Variants in CNOT4 observed in about 807,000 individuals in gnomAD.
CNOT4 encodes the protein CCR4-NOT transcription complex subunit 4.
Under a neutral mutation model 73.8 loss-of-function variants are expected in CNOT4, and 8 were observed. The observed-to-expected ratio is 0.11, with a 90% CI of 0.06 to 0.20. CNOT4 has a LOEUF of 0.20. Among genes scored for constraint, CNOT4 ranks in the 10% least tolerant of loss-of-function variants. The pLI is 1.00. For missense variants in CNOT4, 564 were observed against 883.4 expected, an observed-to-expected ratio of 0.64 and a Z score of 4.58; for synonymous variants, 293 against 321.1, an observed-to-expected ratio of 0.91 and a Z score of 0.94.
intron 1 of CNOT4, among the ~76,000 whole-genome samples, chr7:135,482,251 T>C (rs2696887): frequency 0.38 from 57,307 of 151,990 alleles, 11,282 homozygotes; most frequent in East Asian, 0.67. Flanking sequence ...ATTCATAGTT[T>C]AAAAGCTCCC....
intron 10 of CNOT4, among the ~76,000 whole-genome samples, chr7:135,368,842 C>T (rs1442449706): frequency 6.6e-6 from 1 of 152,166 alleles, no homozygotes; most frequent in Non-Finnish European, 1.5e-5. Context: ...AGACCTTTCA[C>T]AGAACACTGC....
intron 2 of CNOT4, among the ~76,000 whole-genome samples, chr7:135,426,602 CAAAA>C (rs35332719): frequency 4.5e-5 from 5 of 111,024 alleles, no homozygotes; most frequent in African/African-American, 1.5e-4. Context: ...GACTCCGTCT[CAAAA>C]AAAAAAAAAA....
At chr7:135,502,994 A>G (rs111295525) in intron 1 of CNOT4, among the ~76,000 whole-genome samples, 13,277 of 151,748 alleles carry the variant, frequency 0.087, 689 homozygotes, top group East Asian at 0.16. Context: ...CTCTACCACA[A>G]ATATAAAAAT....
intron 1 of CNOT4, among the ~76,000 whole-genome samples, chr7:135,462,677 A>C (rs10269360): frequency 0.074 from 11,288 of 152,280 alleles, 500 homozygotes; most frequent in Middle Eastern, 0.13. Flanking sequence ...TCAAATTAGA[A>C]AGCATTAGAA....
chr7:135,414,978 T>C (rs896798569), intron 4 of CNOT4, among the ~76,000 whole-genome samples, 198 bp downstream of exon 4: 2 of 152,028 alleles, frequency 1.3e-5, no homozygotes. Flanking sequence ...TGTTTTACTA[T>C]TTCCCTCTTA....
At chr7:135,472,549 ATATATATAT>A (rs1801700421) in intron 1 of CNOT4, among the ~76,000 whole-genome samples, 1 of 98,772 alleles carries the variant, frequency 1.0e-5, no homozygotes, top group South Asian at 3.6e-4. Context: ...ATATATATAT[ATATATATAT>A]AAAGTGATCC....
chr7:135,493,981 CAA>C (rs1048843972), intron 1 of CNOT4, among the ~76,000 whole-genome samples: 1 of 141,120 alleles, frequency 7.1e-6, no homozygotes, highest in Non-Finnish European at 1.5e-5. Flanking sequence ...AGTATTGTAT[CAA>C]AAAAAAGAGA....
chr7:135,466,911 G>GT (rs1434055624), intron 1 of CNOT4, among the ~76,000 whole-genome samples: 3 of 152,138 alleles, frequency 2.0e-5, no homozygotes, highest in Non-Finnish European at 4.4e-5. Flanking sequence ...CTAGGTTTGT[G>GT]TAAGTACACT....
chr7:135,465,667 G>A (rs575624938), intron 1 of CNOT4, among the ~76,000 whole-genome samples: 2 of 152,106 alleles, frequency 1.3e-5, no homozygotes, highest in South Asian at 4.2e-4. Flanking sequence ...GGAGGTGGAA[G>A]ACAATGGTGA....
chr7:135,405,653 A>G (rs542564600), intron 7 of CNOT4, among the ~76,000 whole-genome samples: 1 of 152,348 alleles, frequency 6.6e-6, no homozygotes, highest in East Asian at 1.9e-4. Flanking sequence ...ATTCATAATA[A>G]TGAAGGGGAG....
At chr7:135,482,514 T>C (rs529633506) in intron 1 of CNOT4, among the ~76,000 whole-genome samples, 4 of 151,772 alleles carry the variant, frequency 2.6e-5, no homozygotes, top group Non-Finnish European at 5.9e-5. Context: ...ATCATACCAC[T>C]GCACTCTAAC....
rs1796558680 is a variant in CNOT4, at chr7:135,394,231, G to C, written c.1314C>G (p.Asn438Lys). The change falls in exon 10 of 12, where the codon AAC (asparagine) becomes AAG (lysine). Residue 438 changes from asparagine (N) to lysine (K), a missense_variant. Asn to Lys is a moderately conservative substitution (Grantham distance 94). This residue lies in a region of CNOT4 where 153 missense variants were observed against 158.7 expected (regional missense o/e 0.96). Coordinates refer to ENST00000541284, the MANE Select transcript of CNOT4 (RefSeq NM_001190850.2). ...TGGCGGTTGTAGTGTGTGAAGAGGA[G>C]TTCTGAAGAGATGTGGGCGAAAGGG... Reference protein sequence around the residue: ...QPSLSPTSLQNSSSHTTTAKG... With the variant: ...QPSLSPTSLQKSSSHTTTAKG... The C allele has an allele frequency of 2.5e-6, 4 of 1,614,208 alleles. No homozygotes were observed. The highest frequency in any genetic ancestry group is 2.7e-5 in the African/African-American group (2 of 75,058).
chr7:135,405,751 A>G (rs1797244579), intron 7 of CNOT4, among the ~76,000 whole-genome samples: 1 of 152,168 alleles, frequency 6.6e-6, no homozygotes, highest in Non-Finnish European at 1.5e-5. Flanking sequence ...TTACTAACAT[A>G]TATGTGCATC....
At position 135,477,343 on chromosome 7, in the gene CNOT4, C is replaced by CAA. The variant is rs397780678; in HGVS notation, c.-93+32544_-93+32545dup. Among the ~76,000 whole-genome samples the CAA allele has an allele frequency of 4.9e-3, 678 of 137,696 alleles. 7 individuals carry two copies. Among genetic ancestry groups the CAA allele is most frequent in the African/African-American group, 0.017 (626 of 36,670 alleles). 90.3% of individuals were successfully genotyped at this position (137,696 alleles called of 152,430 possible). Reference sequence around the variant, plus strand: ...GGGTGACCGAGTGAGACTCTTGTCTCAAAAAAAAAAAAAATTAATTTTACT... The same window carrying CAA: ...GGGTGACCGAGTGAGACTCTTGTCTCAAAAAAAAAAAAAAAATTAATTTTACT... On this transcript the variant is annotated intron_variant, in intron 1 of 11. Transcript: ENST00000541284.
chr7:135,421,920 T>C lies in CNOT4; in HGVS notation c.372+236A>G, dbSNP rs529984884. On this transcript the variant is annotated intron_variant, in intron 3 of 11. Coordinates refer to ENST00000541284, the MANE Select transcript of CNOT4 (RefSeq NM_001190850.2). ...ATTGTCAGCACGTTAGAAATCTAGTTCAACTCCTTAGTTTTAGAACTGAAG... is the reference window on the plus strand; with the variant it reads ...ATTGTCAGCACGTTAGAAATCTAGTCCAACTCCTTAGTTTTAGAACTGAAG... Among the ~76,000 whole-genome samples the C allele has an allele frequency of 4.3e-4, 65 of 152,358 alleles. 1 individual carries two copies. The South Asian group carries it at 0.013, about 31-fold the overall frequency.
At chr7:135,460,248 C>G (rs1379381703) in intron 1 of CNOT4, among the ~76,000 whole-genome samples, 3 of 152,234 alleles carry the variant, frequency 2.0e-5, no homozygotes, top group Admixed American at 2.0e-4. Context: ...GTAGCACTTT[C>G]AATTTCCCTC....
At chr7:135,493,981 CA>C (rs1048843972) in intron 1 of CNOT4, among the ~76,000 whole-genome samples, 36 of 141,228 alleles carry the variant, frequency 2.5e-4, no homozygotes, top group African/African-American at 7.9e-4. Flanking sequence ...AGTATTGTAT[CA>C]AAAAAAAGAG....
chr7:135,431,334 A>C (rs142778994), intron 2 of CNOT4, among the ~76,000 whole-genome samples: 34 of 152,354 alleles, frequency 2.2e-4, no homozygotes, highest in Non-Finnish European at 4.9e-4. Flanking sequence ...TAGAACACAT[A>C]ATCACCTATG....
intron 7 of CNOT4, among the ~76,000 whole-genome samples, chr7:135,402,495 A>C (rs1458994157): frequency 6.6e-6 from 1 of 152,224 alleles, no homozygotes; most frequent in African/African-American, 2.4e-5. Flanking sequence ...TGCACAAAAT[A>C]TATACATATT....
Sources: allele counts gnomAD v4.1 joint callset (sites outside exome capture counted in the v4.1 genomes callset), GRCh38; gene constraint gnomAD v4.1.1; regional missense constraint gnomAD v4.1.1; transcripts MANE v1.5; gene names NCBI Gene and HGNC (gene_info 2026-07-23, HGNC 2026-07-21).